The following ZCCHC7 variants were observed in gnomAD, a reference collection of about 807,000 sequenced individuals.
ZCCHC7 encodes the protein zinc finger CCHC domain-containing protein 7.
In ZCCHC7, 35 loss-of-function variants were observed where a neutral mutation model predicts 52.0. The ratio of observed to expected loss-of-function variants is 0.67; its 90% confidence interval spans 0.51 to 0.89. The LOEUF is 0.89. Ranked by LOEUF, ZCCHC7 falls within the 40% of genes least tolerant of loss-of-function variation. The probability of loss-of-function intolerance (pLI) is 0.00; values close to 1 mark genes in which losing one functional copy is unlikely to be tolerated. For missense variants in ZCCHC7, 574 were observed against 649.1 expected, an observed-to-expected ratio of 0.88 and a Z score of 1.26; for synonymous variants, 217 against 221.5, an observed-to-expected ratio of 0.98 and a Z score of 0.18.
In ZCCHC7 at chr9:37,269,618, C is replaced by CAAAAAAAAAAAAAAAAAAAA. The variant is rs1170865355; in HGVS notation, c.611-32561_611-32542dup. ...TGAGCAACAGAGTGAGACTCTGTCT[C>CAAAAAAAAAAAAAAAAAAAA]AAAAAAAAAAAAAAAAAAAAAAAAA... is the stretch of plus-strand genomic sequence containing the variant. On this transcript the variant is annotated intron_variant, in intron 2 of 8. Coordinates refer to ENST00000336755, the MANE Select transcript of ZCCHC7 (RefSeq NM_032226.3). 5.1e-4 allele frequency among the ~76,000 whole-genome samples: 14 copies of CAAAAAAAAAAAAAAAAAAAA among 27,228 alleles called. 1 individual carries two copies. The highest frequency in any genetic ancestry group is 1.1e-3 in the Non-Finnish European group (13 of 11,510). 17.9% of individuals were successfully genotyped at this position (27,228 alleles called of 152,430 possible).
chr9:37,199,880 A>G (rs1823535529), intron 2 of ZCCHC7, among the ~76,000 whole-genome samples: 1 of 150,348 alleles, frequency 6.7e-6, no homozygotes, highest in Middle Eastern at 3.5e-3. Context: ...AATTTTTTGT[A>G]TTTTTAGTAG....
intron 5 of ZCCHC7, among the ~76,000 whole-genome samples, chr9:37,308,427 A>G (rs1829434222): frequency 6.6e-6 from 1 of 152,180 alleles, no homozygotes; most frequent in African/African-American, 2.4e-5. Flanking sequence ...GTAAGACATT[A>G]TCATAGGCAA....
At chr9:37,206,327 C>T (rs1178946312) in intron 2 of ZCCHC7, among the ~76,000 whole-genome samples, 1 of 150,226 alleles carries the variant, frequency 6.7e-6, no homozygotes, top group Non-Finnish European at 1.5e-5. Context: ...CTCCTCCCCA[C>T]TTCTCTCTCA....
chr9:37,303,428 A>G (rs1051356572), intron 3 of ZCCHC7, among the ~76,000 whole-genome samples: 3 of 151,250 alleles, frequency 2.0e-5, no homozygotes, highest in Non-Finnish European at 4.4e-5. Context: ...TCCGTCTCAA[A>G]AAAAAAAAAA....
intron 2 of ZCCHC7, among the ~76,000 whole-genome samples, chr9:37,259,069 AAAAAC>A (rs1211470948): frequency 6.6e-6 from 1 of 152,200 alleles, no homozygotes; most frequent in African/African-American, 2.4e-5. Flanking sequence ...AGAAAAAATG[AAAAAC>A]AAAACAAAAA....
intron 2 of ZCCHC7, among the ~76,000 whole-genome samples, chr9:37,187,519 C>A (rs1456630876): frequency 6.6e-6 from 1 of 152,208 alleles, no homozygotes; most frequent in Admixed American, 6.5e-5. Context: ...CGAACTGGTA[C>A]TGATTGTTCC....
At chr9:37,237,054 A>G (rs930136715) in intron 2 of ZCCHC7, among the ~76,000 whole-genome samples, 3 of 152,190 alleles carry the variant, frequency 2.0e-5, no homozygotes, top group African/African-American at 7.2e-5. Context: ...AAAGTTCTCT[A>G]ACCAAAGGCA....
chr9:37,335,507 G>A (rs971590275), intron 6 of ZCCHC7, among the ~76,000 whole-genome samples: 1 of 152,100 alleles, frequency 6.6e-6, no homozygotes, highest in African/African-American at 2.4e-5. Context: ...TTAAGTATAC[G>A]ATGAGATGAT....
chr9:37,228,093 G>A (rs570150567), intron 2 of ZCCHC7, among the ~76,000 whole-genome samples: 2 of 152,134 alleles, frequency 1.3e-5, no homozygotes, highest in South Asian at 2.1e-4. Context: ...CACAGTGCCC[G>A]GCCTCTAATT....
chr9:37,309,617 T>C (rs560384708), intron 5 of ZCCHC7, among the ~76,000 whole-genome samples: 22 of 152,286 alleles, frequency 1.4e-4, no homozygotes, highest in Admixed American at 5.9e-4. Context: ...CTTTTATAAA[T>C]TGACGATATT....
intron 5 of ZCCHC7, among the ~76,000 whole-genome samples, chr9:37,316,472 G>A (rs181259252): frequency 2.0e-5 from 3 of 147,812 alleles, no homozygotes; most frequent in African/African-American, 5.0e-5. Flanking sequence ...CTACAGGCAC[G>A]CACTACCCTG....
At chr9:37,149,474 GAATTAGAT>G (rs1413419645) in intron 2 of ZCCHC7, among the ~76,000 whole-genome samples, 1 of 151,934 alleles carries the variant, frequency 6.6e-6, no homozygotes, top group East Asian at 1.9e-4. Context: ...ATCAAAGTAA[GAATTAGAT>G]CATGGCTTTC....
chr9:37,199,636 C>T (rs950029561), intron 2 of ZCCHC7, among the ~76,000 whole-genome samples: 3 of 143,780 alleles, frequency 2.1e-5, no homozygotes, highest in Non-Finnish European at 4.6e-5. Context: ...CCCAGCCCTA[C>T]TGTTTCTTTT....
chr9:37,297,073 C>T (rs1185822991), intron 2 of ZCCHC7, among the ~76,000 whole-genome samples: 3 of 152,152 alleles, frequency 2.0e-5, no homozygotes. Context: ...ATATAGGAGA[C>T]TGTTTTAGTG....
intron 5 of ZCCHC7, among the ~76,000 whole-genome samples, chr9:37,322,034 G>T (rs534571733): frequency 1.1e-4 from 16 of 152,182 alleles, no homozygotes; most frequent in African/African-American, 3.9e-4. Flanking sequence ...TGTTTTTCAG[G>T]GGATTTTTTT....
chr9:37,150,751 A>C (rs1820474701), intron 2 of ZCCHC7, among the ~76,000 whole-genome samples: 1 of 152,204 alleles, frequency 6.6e-6, no homozygotes, highest in Admixed American at 6.5e-5. Flanking sequence ...ATATTTAATG[A>C]GTAATAATTA....
chr9:37,169,757 T>C (rs1399276330), intron 2 of ZCCHC7, among the ~76,000 whole-genome samples: 1 of 152,210 alleles, frequency 6.6e-6, no homozygotes, highest in Non-Finnish European at 1.5e-5. Flanking sequence ...TAATTATTGC[T>C]ATGTTCCTTT....
chr9:37,237,891 C>T (rs1345925179), intron 2 of ZCCHC7, among the ~76,000 whole-genome samples: 1 of 152,050 alleles, frequency 6.6e-6, no homozygotes, highest in Non-Finnish European at 1.5e-5. Flanking sequence ...TTAAAGAAAA[C>T]ACTAATGATC....
chr9:37,224,890 A>G (rs560943112), intron 2 of ZCCHC7, among the ~76,000 whole-genome samples: 1 of 152,370 alleles, frequency 6.6e-6, no homozygotes, highest in East Asian at 1.9e-4. Context: ...GAGCAGGTGT[A>G]GCGATCCGTG....
Sources: gnomAD v4.1 joint callset for allele counts (sites outside exome capture counted in the v4.1 genomes callset) on GRCh38, gnomAD v4.1.1 for gene constraint, MANE v1.5 for transcripts, NCBI Gene and HGNC (gene_info 2026-07-23, HGNC 2026-07-21) for gene names.